Variants in TRAP1 observed in about 807,000 individuals in gnomAD.
TRAP1 encodes the protein TNF receptor associated protein 1, also known as heat shock protein 75 kDa, mitochondrial.
TRAP1 carries 102 observed loss-of-function variants against 89.1 expected under a neutral mutation model. That is an observed-to-expected ratio of 1.15 (90% confidence interval 0.98 to 1.35). The LOEUF (loss-of-function observed/expected upper bound fraction) is 1.35. TRAP1 is among the 40% of genes most tolerant of loss of function. The pLI is 0.00. For missense variants in TRAP1, 1,256 were observed against 945.3 expected (o/e 1.33, Z -4.31); for synonymous variants, 508 against 388.0 (o/e 1.31, Z -3.64).
intron 1 of TRAP1, among the ~76,000 whole-genome samples, chr16:3,696,456 G>C (rs1314416889): frequency 6.6e-6 from 1 of 152,206 alleles, no homozygotes; most frequent in Non-Finnish European, 1.5e-5. Flanking sequence ...AGGAGGAGCA[G>C]CAGCTCTTCA....
At chr16:3,662,193 A>ATCTT in intron 15 of TRAP1, 61 bp from the exon 16 acceptor site, 1 of 1,568,158 alleles carries the variant, frequency 6.4e-7, no homozygotes, top group Admixed American at 1.8e-5. Flanking sequence ...GGCTGGCAGG[A>ATCTT]TCTTACCAGG....
chr16:3,684,560 C>T (rs952220348), intron 4 of TRAP1, among the ~76,000 whole-genome samples: 16 of 152,128 alleles, frequency 1.1e-4, no homozygotes, highest in Non-Finnish European at 1.9e-4. Context: ...GAGGCCAAGG[C>T]GGGCAGATCA....
chr16:3,678,730 G>A (rs917580838), intron 5 of TRAP1, among the ~76,000 whole-genome samples: 4 of 152,130 alleles, frequency 2.6e-5, no homozygotes, highest in Non-Finnish European at 4.4e-5. Context: ...CAAAGTACTG[G>A]GGTTACAGGC....
At chr16:3,682,897 G>A (rs932312067) in intron 4 of TRAP1, among the ~76,000 whole-genome samples, 3 of 151,914 alleles carry the variant, frequency 2.0e-5, no homozygotes, top group Non-Finnish European at 4.4e-5. Flanking sequence ...GGCTGGGTGC[G>A]GTAGCTCATG....
intron 14 of TRAP1, 162 bp from the exon 15 acceptor site, chr16:3,663,129 C>T (rs868790396): frequency 5.9e-6 from 4 of 678,174 alleles, no homozygotes; most frequent in Non-Finnish European, 9.8e-6. Flanking sequence ...TCAAAGGATG[C>T]TTCAGGTTGC....
intron 2 of TRAP1, among the ~76,000 whole-genome samples, chr16:3,690,572 G>C (rs767569820): frequency 4.6e-5 from 7 of 152,174 alleles, no homozygotes; most frequent in Non-Finnish European, 8.8e-5. Flanking sequence ...GATGTGCCAT[G>C]AATCACCACT....
chr16:3,680,555 C>T (rs2051061431), intron 4 of TRAP1, among the ~76,000 whole-genome samples: 1 of 152,238 alleles, frequency 6.6e-6, no homozygotes, highest in African/African-American at 2.4e-5. Context: ...TCCCACCCTA[C>T]CACCATGGGA....
In TRAP1 at chr16:3,672,715, G is replaced by T; in HGVS notation, c.1150C>A (p.Leu384Met). Residue 384 changes from leucine (L) to methionine (M), a missense_variant, in exon 10 of 18, where the codon CTG (leucine) becomes ATG (methionine). Physicochemically the swap from Leu to Met is conservative, Grantham distance 15 (BLOSUM62 2). Transcript: ENST00000246957. The part of the protein sequence containing the change: ...TKATDILPKW[L>M]RFIRGVVDSE... The stretch of plus-strand genomic sequence containing the variant: ...AGCAGCGTACCTCGGATGAAGCGCA[G>T]CCACTTGGGCAGGATGTCCGTGGCC... 1 of 1,609,418 alleles carries T rather than the reference G, an allele frequency of 6.2e-7. No individual in the cohort carries two copies.
chr16:3,701,886 T>G (rs1361310291), intron 1 of TRAP1, among the ~76,000 whole-genome samples: 1 of 152,256 alleles, frequency 6.6e-6, no homozygotes, highest in African/African-American at 2.4e-5. Flanking sequence ...CAAACCATAT[T>G]TATTTATTCA....
intron 1 of TRAP1, among the ~76,000 whole-genome samples, chr16:3,694,153 T>C (rs2051255425): frequency 6.6e-6 from 1 of 152,094 alleles, no homozygotes; most frequent in Non-Finnish European, 1.5e-5. Flanking sequence ...GCTCTGTCTC[T>C]TGTCACATGG....
At chr16:3,683,890 G>A (rs1447071993) in intron 4 of TRAP1, among the ~76,000 whole-genome samples, 1 of 152,094 alleles carries the variant, frequency 6.6e-6, no homozygotes, top group Non-Finnish European at 1.5e-5. Flanking sequence ...GTGAGACTAG[G>A]CGCGGTGGCT....
rs756112251 is a variant in TRAP1 at position 3,666,001 on chromosome 16, G to A, written c.1353C>T (p.Gly451=). The A allele has an allele frequency of 4.3e-6, 7 of 1,613,824 alleles. No homozygotes were observed. In the Admixed American group the frequency reaches 6.7e-5, roughly 15 times the overall value. ...CCTCCTGCTCGGTGGCGGTCACAAT[G>A]CCCTCCCGCATGAACAGGCCGTAAT... The part of the protein sequence containing the change: ...FEDYGLFMRE[G]IVTATEQEVK... The change falls in exon 12 of 18, where the codon GGC becomes GGT. Residue 451 remains glycine (G), a synonymous_variant. Transcript: ENST00000246957.
chr16:3,686,031 G>A lies in TRAP1; in HGVS notation c.436C>T (p.Gln146Ter). 6.2e-7 allele frequency: 1 copy of A among 1,614,086 alleles called. No individual in the cohort carries two copies. The highest frequency in any genetic ancestry group is 8.5e-7 in the Non-Finnish European group (1 of 1,179,992). ...QALPEMEIHL[Q>*]TNAEKGTITI... is the part of the protein sequence containing the mutation. ...ATGGTGCCTTTCTCGGCATTGGTCT[G>A]CAAGTGAATCTCCATTTCTGGCAGT... The change falls in exon 4 of 18, where the codon CAG (glutamine) becomes TAG (stop). Residue 146 changes from glutamine to a stop codon, truncating the protein, a stop_gained. Transcript: ENST00000246957. LOFTEE classifies it high-confidence loss of function.
rs759791587 is a variant in TRAP1 at position 3,690,839 on chromosome 16, C to T, written c.235G>A (p.Glu79Lys). Residue 79 changes from glutamate to lysine, a missense_variant, in exon 2 of 18, where the codon GAG becomes AAG. Physicochemically the swap from Glu to Lys is moderately conservative, Grantham distance 56. Coordinates refer to ENST00000246957, the MANE Select transcript of TRAP1 (RefSeq NM_016292.3). The stretch of plus-strand genomic sequence containing the variant: ...GAGCCAAGGCTACCCTGCACGCTCT[C>T]TGTGCTGCTGATAATCGAGTGCAGG... ...EPLHSIISSTESVQGSTSKHE... is the reference protein window; with the variant it reads ...EPLHSIISSTKSVQGSTSKHE... 4 of 1,522,004 alleles carry T rather than the reference C, an allele frequency of 2.6e-6. No homozygotes were observed. The South Asian group carries it at 5.1e-5, about 19-fold the overall frequency. The allele number at this position is 1,522,004 out of a possible 1,614,324, so 94.3% of individuals were successfully genotyped here. A position where few individuals can be genotyped will look rare whatever the true frequency, so the allele number is the denominator to read the frequency against.
intron 1 of TRAP1, among the ~76,000 whole-genome samples, chr16:3,710,003 C>T (rs1469932742): frequency 6.6e-6 from 1 of 152,188 alleles, no homozygotes; most frequent in East Asian, 1.9e-4. Flanking sequence ...TATTCCCTCA[C>T]AAATGTCTGA....
chr16:3,712,813 G>A (rs559435636), intron 1 of TRAP1, among the ~76,000 whole-genome samples: 18 of 152,166 alleles, frequency 1.2e-4, no homozygotes, highest in Admixed American at 8.5e-4. Context: ...ACGGGGTTTC[G>A]CCATGTTGGC....
In TRAP1 at chr16:3,686,062, G is replaced by A. The variant is rs763260113; in HGVS notation, c.405C>T (p.Gly135=). The A allele has an allele frequency of 1.2e-6, 2 of 1,614,108 alleles. No individual in the cohort carries two copies. The highest frequency in any genetic ancestry group is 1.7e-6 in the Non-Finnish European group (2 of 1,179,998). Residue 135 remains glycine, a synonymous_variant, in exon 4 of 18, where the codon GGC becomes GGT. Transcript: ENST00000246957. ...GAATCTCCATTTCTGGCAGTGCTTG[G>A]CCGTCAGACACCAGTTTGTGACGCA... ...EKLRHKLVSD[G]QALPEMEIHL...
At chr16:3,665,765 G>A (rs2050817004) in intron 12 of TRAP1, among the ~76,000 whole-genome samples, 1 of 152,224 alleles carries the variant, frequency 6.6e-6, no homozygotes, top group Non-Finnish European at 1.5e-5. Flanking sequence ...GCACAGCACA[G>A]CACTGGTGGG....
chr16:3,679,838 C>T (rs750538823), intron 4 of TRAP1, 48 bp from the exon 5 acceptor site: 2 of 1,585,758 alleles, frequency 1.3e-6, no homozygotes, highest in South Asian at 2.2e-5. Context: ...ACCTGGGGAG[C>T]CGGGTGAGTG....
Sources: gnomAD v4.1 joint callset for allele counts (sites outside exome capture counted in the v4.1 genomes callset) on GRCh38, gnomAD v4.1.1 for gene constraint, MANE v1.5 for transcripts, NCBI Gene and HGNC (gene_info 2026-07-23, HGNC 2026-07-21) for gene names.